HIVEP1: variants seen among roughly 807,000 people sequenced by gnomAD.
The protein encoded by HIVEP1 is HIVEP zinc finger 1, also known as zinc finger protein 40.
A neutral mutation model predicts 180.0 loss-of-function variants in HIVEP1; 36 were observed. The observed-to-expected ratio is 0.20, with a 90% confidence interval of 0.15 to 0.26. The LOEUF (loss-of-function observed/expected upper bound fraction) is 0.26, where lower values mean the gene tolerates loss of function less well. Ranked by LOEUF, HIVEP1 falls within the 10% of genes least tolerant of loss-of-function variation. The pLI is 1.00. For missense variants in HIVEP1, 3,143 were observed against 3,268.7 expected (o/e 0.96, Z 0.94); for synonymous variants, 1,239 against 1,239.0 (o/e 1.00, Z 0.00).
chr6:12,025,547 C>G lies in HIVEP1; in HGVS notation c.40+9879C>G, dbSNP rs549380920. ...GCAGTGTTTAAGTGGGAATCTCCGC[C>G]TAACAGTTGAAATTTCGGACCTGAA... On this transcript the variant is annotated intron_variant, in intron 2 of 8. Coordinates refer to ENST00000379388, the MANE Select transcript of HIVEP1 (RefSeq NM_002114.4). Among the ~76,000 whole-genome samples, 15 of 152,228 alleles carry G rather than the reference C, an allele frequency of 9.9e-5. No individual in the cohort carries two copies. The South Asian group carries it at 2.5e-3, about 25-fold the overall frequency.
At chr6:12,090,694 A>G (rs908366966) in intron 3 of HIVEP1, among the ~76,000 whole-genome samples, 5 of 150,214 alleles carry the variant, frequency 3.3e-5, no homozygotes, top group African/African-American at 1.2e-4. Context: ...CTCAGGTTAT[A>G]AGAGGCCATA....
At chr6:12,118,883 A>G (rs1372943908) in intron 3 of HIVEP1, among the ~76,000 whole-genome samples, 2 of 152,186 alleles carry the variant, frequency 1.3e-5, no homozygotes, top group African/African-American at 4.8e-5. Context: ...TGAAAATATC[A>G]GTTTTGCATA....
At chr6:12,102,198 A>G (rs1209933119) in intron 3 of HIVEP1, among the ~76,000 whole-genome samples, 1 of 152,154 alleles carries the variant, frequency 6.6e-6, no homozygotes, top group East Asian at 1.9e-4. Context: ...AATCTTCTAG[A>G]CAGAAGGTCA....
intron 7 of HIVEP1, among the ~76,000 whole-genome samples, chr6:12,146,575 A>G (rs1038156544): frequency 1.1e-4 from 17 of 152,214 alleles, no homozygotes; most frequent in African/African-American, 3.9e-4. Flanking sequence ...CAAGGTCAGT[A>G]TAGGTATTGT....
intron 2 of HIVEP1, among the ~76,000 whole-genome samples, chr6:12,033,064 G>A (rs952411070): frequency 1.3e-5 from 2 of 152,030 alleles, no homozygotes; most frequent in African/African-American, 4.8e-5. Flanking sequence ...ATGATTTTTC[G>A]ACCCATACAA....
chr6:12,045,196 T>C (rs1040548954), intron 2 of HIVEP1, among the ~76,000 whole-genome samples: 1 of 152,182 alleles, frequency 6.6e-6, no homozygotes, highest in Non-Finnish European at 1.5e-5. Context: ...GAAGTTGGCT[T>C]GGGTGAATGT....
At chr6:12,090,381 G>A (rs576237290) in intron 3 of HIVEP1, among the ~76,000 whole-genome samples, 6 of 152,212 alleles carry the variant, frequency 3.9e-5, no homozygotes, top group African/African-American at 1.4e-4. Flanking sequence ...AGACTACTGA[G>A]CAGGTATCTG....
chr6:12,072,457 T>G (rs1219987018), intron 2 of HIVEP1, among the ~76,000 whole-genome samples: 1 of 152,114 alleles, frequency 6.6e-6, no homozygotes, highest in African/African-American at 2.4e-5. Context: ...TTTGCTGTGA[T>G]AGGTCTATGT....
chr6:12,080,812 C>G (rs1017506352), intron 2 of HIVEP1, among the ~76,000 whole-genome samples: 3 of 152,108 alleles, frequency 2.0e-5, no homozygotes, highest in Non-Finnish European at 4.4e-5. Context: ...TGTTTTGTTC[C>G]TAATCACCTT....
At chr6:12,058,593 A>C (rs1771022038) in intron 2 of HIVEP1, among the ~76,000 whole-genome samples, 1 of 152,234 alleles carries the variant, frequency 6.6e-6, no homozygotes, top group African/African-American at 2.4e-5. Flanking sequence ...CCTAAAAGAT[A>C]GACAACCTGA....
chr6:12,181,715 A>G, the HIVEP1 span, among the ~76,000 whole-genome samples: 1 of 152,242 alleles, frequency 6.6e-6, no homozygotes, highest in Non-Finnish European at 1.5e-5. Context: ...CCCTCGCTAC[A>G]GTCAGTACAG....
chr6:12,209,305 A>G, the HIVEP1 span, among the ~76,000 whole-genome samples: 1 of 152,106 alleles, frequency 6.6e-6, no homozygotes, highest in Non-Finnish European at 1.5e-5. Flanking sequence ...TGGTGGCAGG[A>G]GCCTGTAATC....
chr6:12,084,126 G>A (rs557284521), intron 2 of HIVEP1, among the ~76,000 whole-genome samples: 8 of 152,226 alleles, frequency 5.3e-5, no homozygotes, highest in Non-Finnish European at 1.2e-4. Context: ...TAATGCTATG[G>A]CAACTCTCTC....
the HIVEP1 span, among the ~76,000 whole-genome samples, chr6:12,187,312 G>T: frequency 6.6e-6 from 1 of 152,090 alleles, no homozygotes; most frequent in Non-Finnish European, 1.5e-5. Context: ...TCTAATGGGA[G>T]GTGTTTGGGT....
chr6:12,009,485 G>A (rs970287190), upstream of HIVEP1, among the ~76,000 whole-genome samples: 1 of 152,232 alleles, frequency 6.6e-6, no homozygotes, highest in Non-Finnish European at 1.5e-5. Context: ...TTTGGGGGCA[G>A]AGAATGGTCA....
At chr6:12,162,392 T>C (rs1439327914) in intron 8 of HIVEP1, among the ~76,000 whole-genome samples, 3 of 152,218 alleles carry the variant, frequency 2.0e-5, no homozygotes, top group African/African-American at 4.8e-5. Flanking sequence ...CCAGTTTCTA[T>C]GGCAAAGTTA....
chr6:12,011,036 A>T (rs560415319), upstream of HIVEP1, among the ~76,000 whole-genome samples: 4 of 152,258 alleles, frequency 2.6e-5, no homozygotes, highest in African/African-American at 9.6e-5. Flanking sequence ...GGGAAGCACC[A>T]GCGGGGCTTT....
At chr6:12,098,102 A>G (rs1026446578) in intron 3 of HIVEP1, among the ~76,000 whole-genome samples, 3 of 152,194 alleles carry the variant, frequency 2.0e-5, no homozygotes, top group Non-Finnish European at 2.9e-5. Context: ...ATCCTTTAGC[A>G]AGGAGAAAAG....
intron 3 of HIVEP1, among the ~76,000 whole-genome samples, chr6:12,090,713 G>A (rs1033070295): frequency 4.4e-5 from 5 of 113,018 alleles, no homozygotes; most frequent in African/African-American, 1.7e-4. Context: ...TACTTTTAAA[G>A]TTTTCTTTCT....
Sources: gnomAD v4.1 joint callset for allele counts (sites outside exome capture counted in the v4.1 genomes callset) on GRCh38, gnomAD v4.1.1 for gene constraint, MANE v1.5 for transcripts, NCBI Gene and HGNC (gene_info 2026-07-23, HGNC 2026-07-21) for gene names.